Variants in PNPLA8 observed in about 807,000 individuals in gnomAD.
PNPLA8 encodes the protein calcium-independent phospholipase A2-gamma.
In PNPLA8, 39 loss-of-function variants were observed where a neutral mutation model predicts 76.9. The ratio of observed to expected loss-of-function variants is 0.51; its 90% CI spans 0.39 to 0.66. The LOEUF is 0.66. Ranked by LOEUF, PNPLA8 falls within the 30% of genes least tolerant of loss-of-function variation. PNPLA8 has a pLI of 0.00. For missense variants in PNPLA8, 887 were observed against 918.0 expected, an observed-to-expected ratio of 0.97 and a Z score of 0.44; for synonymous variants, 301 against 307.9, an observed-to-expected ratio of 0.98 and a Z score of 0.24.
intron 4 of PNPLA8, among the ~76,000 whole-genome samples, chr7:108,505,336 ATATATATATATATATATTTTTTTTTTTT>A (rs1862312300): frequency 1.9e-3 from 10 of 5,208 alleles, no homozygotes; most frequent in Admixed American, 3.8e-3. Context: ...ATATATATAT[ATATATATATATATATATTTTTTTTTTTT>A]TTTTTTTTTT....
chr7:108,479,975 G>A (rs1469260799), intron 9 of PNPLA8, among the ~76,000 whole-genome samples: 1 of 152,106 alleles, frequency 6.6e-6, no homozygotes, highest in Non-Finnish European at 1.5e-5. Context: ...AAATGTAGTA[G>A]AGTAAAAGTA....
intron 10 of PNPLA8, among the ~76,000 whole-genome samples, chr7:108,475,087 G>A (rs559906069): frequency 1.3e-4 from 20 of 152,180 alleles, no homozygotes; most frequent in Non-Finnish European, 2.6e-4. Flanking sequence ...ATTGTGAACT[G>A]AGCATGCAAG....
chr7:108,491,872 T>G (rs1410487932), intron 7 of PNPLA8, among the ~76,000 whole-genome samples: 1 of 152,204 alleles, frequency 6.6e-6, no homozygotes, highest in East Asian at 1.9e-4. Flanking sequence ...AGGAGCTGTG[T>G]TGAGATAAGA....
chr7:108,492,563 T>C (rs1427789362), intron 7 of PNPLA8, among the ~76,000 whole-genome samples: 1 of 151,974 alleles, frequency 6.6e-6, no homozygotes, highest in Admixed American at 6.6e-5. Flanking sequence ...CTTATGAATA[T>C]AAACTTGTAA....
chr7:108,512,126 CTG>C (rs1477498020), intron 4 of PNPLA8, among the ~76,000 whole-genome samples: 1 of 152,166 alleles, frequency 6.6e-6, no homozygotes, highest in African/African-American at 2.4e-5. Context: ...CGGAGGTTCA[CTG>C]TGCCAAAGAG....
At chr7:108,497,940 G>A in intron 5 of PNPLA8, among the ~76,000 whole-genome samples, 1 of 148,080 alleles carries the variant, frequency 6.8e-6, no homozygotes, top group East Asian at 2.0e-4. Context: ...GAGGTAAGAG[G>A]ATCACTTGAG....
At chr7:108,506,799 C>G (rs1862464592) in intron 4 of PNPLA8, among the ~76,000 whole-genome samples, 1 of 151,832 alleles carries the variant, frequency 6.6e-6, no homozygotes, top group South Asian at 2.1e-4. Context: ...TGCTAGAATT[C>G]TGAAAAACTG....
chr7:108,502,021 G>C (rs1366906453), intron 5 of PNPLA8, among the ~76,000 whole-genome samples: 2 of 151,648 alleles, frequency 1.3e-5, no homozygotes, highest in African/African-American at 4.8e-5. Context: ...GTATATGTCA[G>C]AGTAGCACTT....
intron 4 of PNPLA8, among the ~76,000 whole-genome samples, chr7:108,508,790 A>T (rs1057049852): frequency 2.0e-5 from 3 of 151,886 alleles, no homozygotes; most frequent in African/African-American, 7.3e-5. Context: ...ACAAGGCTAC[A>T]GTAACCAAAA....
upstream of PNPLA8, among the ~76,000 whole-genome samples, chr7:108,527,451 G>A (rs1864134772): frequency 6.6e-6 from 1 of 152,204 alleles, no homozygotes; most frequent in Non-Finnish European, 1.5e-5. Context: ...GCGTGTGGAA[G>A]GAGCTTTAGT....
rs1032611382 is a variant in PNPLA8 at position 108,514,912 on chromosome 7, T to C, written c.580A>G (p.Ser194Gly). The C allele has an allele frequency of 6.2e-7, 1 of 1,609,168 alleles. No individual in the cohort carries two copies. Among genetic ancestry groups the C allele is most frequent in the East Asian group, 2.2e-5 (1 of 44,848 alleles). Residue 194 changes from serine to glycine, a missense_variant, in exon 3 of 11, where the codon AGT becomes GGT. Physicochemically the swap from Ser to Gly is moderately conservative, Grantham distance 56. Coordinates refer to ENST00000257694, the MANE Select transcript of PNPLA8 (RefSeq NM_001256007.3). The part of the protein sequence containing the change: ...IGKRSLFHYT[S>G]SITTKFGDSF... The stretch of plus-strand genomic sequence containing the variant: ...TCTCCAAATTTTGTGGTTATAGAAC[T>C]TGTGTAATGAAAAAGACTGCGTTTA...
At chr7:108,472,824 A>T (rs2154514556) in intron 10 of PNPLA8, 149 bp from the exon 11 acceptor site, 1 of 548,812 alleles carries the variant, frequency 1.8e-6, no homozygotes, top group Non-Finnish European at 3.1e-6. Context: ...CTGACAGTAG[A>T]AGTAATCCAT....
chr7:108,487,362 A>G (rs1860808907), intron 9 of PNPLA8, among the ~76,000 whole-genome samples: 1 of 152,184 alleles, frequency 6.6e-6, no homozygotes, highest in Non-Finnish European at 1.5e-5. Flanking sequence ...AGTATTTACT[A>G]TTATTTTACT....
rs780479723 is a variant in PNPLA8 at position 108,514,829 on chromosome 7, C to T, written c.663G>A (p.Met221Ile). 3 of 1,612,892 alleles carry T rather than the reference C, an allele frequency of 1.9e-6. No individual in the cohort carries two copies. The Admixed American group carries it at 5.0e-5, about 27-fold the overall frequency. Residue 221 changes from methionine to isoleucine, a missense_variant, in exon 3 of 11, where the codon ATG becomes ATA. Met to Ile is a conservative substitution (Grantham distance 10, BLOSUM62 1). Transcript: ENST00000257694. ...INSYFKRKEK[M>I]SQQKENEHFR... ...AATGTTCATTTTCCTTTTGTTGAGA[C>T]ATTTTTTCCTTACGTTTGAAATATG...
chr7:108,494,324 C>T (rs1861406801), intron 7 of PNPLA8, among the ~76,000 whole-genome samples: 1 of 152,112 alleles, frequency 6.6e-6, no homozygotes, highest in Admixed American at 6.6e-5. Flanking sequence ...AGGCAGTAAG[C>T]ACAGTACCCA....
chr7:108,499,151 A>G (rs1054453330), intron 5 of PNPLA8, among the ~76,000 whole-genome samples: 1 of 152,212 alleles, frequency 6.6e-6, no homozygotes, highest in African/African-American at 2.4e-5. Context: ...ATTATCACAA[A>G]AAGGAAATAA....
At chr7:108,491,228 A>T (rs1861142005) in intron 8 of PNPLA8, among the ~76,000 whole-genome samples, 182 bp downstream of exon 8, 1 of 152,034 alleles carries the variant, frequency 6.6e-6, no homozygotes, top group Non-Finnish European at 1.5e-5. Flanking sequence ...AATCACTTGA[A>T]CCTGGGAGAC....
At position 108,491,430 on chromosome 7, in the gene PNPLA8, T is replaced by C. The variant is rs1861158604; in HGVS notation, c.1663A>G (p.Arg555Gly). The part of the protein sequence containing the change: ...MGSALMIETA[R>G]NPTCPKVAAV... The stretch of plus-strand genomic sequence containing the variant: ...CTTACCTTAGGACATGTGGGGTTTC[T>C]TGCTGTTTCAATCATCAGTGCAGAT... Residue 555 changes from arginine to glycine, a missense_variant, in exon 8 of 11, where the codon AGA (arginine) becomes GGA (glycine). By Grantham distance (125) the Arg-to-Gly change is moderately radical (BLOSUM62 -2). Coordinates refer to ENST00000257694, the MANE Select transcript of PNPLA8 (RefSeq NM_001256007.3). The C allele has an allele frequency of 6.2e-7, 1 of 1,606,088 alleles. No homozygotes were observed. Among genetic ancestry groups the C allele is most frequent in the Admixed American group, 1.7e-5 (1 of 60,004 alleles).
chr7:108,522,123 G>A (rs371172789), intron 1 of PNPLA8, among the ~76,000 whole-genome samples: 25 of 151,296 alleles, frequency 1.7e-4, no homozygotes, highest in African/African-American at 5.3e-4. Context: ...GTGAAACCCC[G>A]TCTCTACTAA....
Sources: gnomAD v4.1 joint callset for allele counts (sites outside exome capture counted in the v4.1 genomes callset) on GRCh38, gnomAD v4.1.1 for gene constraint, MANE v1.5 for transcripts, NCBI Gene and HGNC (gene_info 2026-07-23, HGNC 2026-07-21) for gene names.